AKT3: variants seen among roughly 807,000 people sequenced by gnomAD.
AKT3 encodes the protein RAC-gamma serine/threonine-protein kinase.
Under a neutral mutation model 65.3 loss-of-function variants are expected in AKT3, and 15 were observed. The ratio of observed to expected loss-of-function variants is 0.23; its 90% CI spans 0.15 to 0.35. The LOEUF is 0.35. AKT3 is among the 10% of genes least tolerant of loss of function. The probability of loss-of-function intolerance (pLI) is 1.00; values close to 1 mark genes in which losing one functional copy is unlikely to be tolerated. For synonymous variants in AKT3, 206 were observed against 183.8 expected, an observed-to-expected ratio of 1.12 and a Z score of -0.98; for missense variants, 243 against 576.5, an observed-to-expected ratio of 0.42 and a Z score of 5.92.
chr1:243,700,653 A>ACC (rs1329472299), intron 2 of AKT3, among the ~76,000 whole-genome samples: 4 of 151,872 alleles, frequency 2.6e-5, no homozygotes, highest in Non-Finnish European at 5.9e-5. Context: ...ACAGGTGCGC[A>ACC]CCACCACACC....
At chr1:243,495,459 A>G (rs902127637), downstream of AKT3, among the ~76,000 whole-genome samples, 1 of 152,158 alleles carries the variant, frequency 6.6e-6, no homozygotes, top group Non-Finnish European at 1.5e-5. Context: ...GGAGGCTGTT[A>G]TCAGGGGCCC....
intron 2 of AKT3, among the ~76,000 whole-genome samples, chr1:243,828,497 T>C (rs1694310279): frequency 6.6e-6 from 1 of 152,184 alleles, no homozygotes; most frequent in South Asian, 2.1e-4. Flanking sequence ...CTGGATTTGC[T>C]TCTTCTGCCT....
chr1:243,795,260 G>A (rs112198631), intron 2 of AKT3, among the ~76,000 whole-genome samples: 10 of 151,688 alleles, frequency 6.6e-5, no homozygotes, highest in Admixed American at 6.6e-4. Flanking sequence ...GGAAAACAGG[G>A]CTTAACGACT....
At chr1:243,565,312 A>G (rs1338626580) in intron 9 of AKT3, among the ~76,000 whole-genome samples, 1 of 152,170 alleles carries the variant, frequency 6.6e-6, no homozygotes, top group African/African-American at 2.4e-5. Context: ...GCTCACCACA[A>G]CCTCTGCCTC....
intron 11 of AKT3, among the ~76,000 whole-genome samples, chr1:243,546,128 T>C (rs1672657042): frequency 6.6e-6 from 1 of 152,152 alleles, no homozygotes; most frequent in Non-Finnish European, 1.5e-5. Context: ...TGAGATCTGA[T>C]GGTTTTATAA....
At chr1:243,777,432 T>C (rs1390976961) in intron 2 of AKT3, among the ~76,000 whole-genome samples, 1 of 152,154 alleles carries the variant, frequency 6.6e-6, no homozygotes, top group East Asian at 1.9e-4. Context: ...CCCTGCACTG[T>C]AAAACAGGTA....
At chr1:243,812,776 T>C (rs1693248167) in intron 2 of AKT3, among the ~76,000 whole-genome samples, 1 of 151,994 alleles carries the variant, frequency 6.6e-6, no homozygotes, top group African/African-American at 2.4e-5. Flanking sequence ...AACCCAAATG[T>C]CCAACAATGA....
intron 5 of AKT3, among the ~76,000 whole-genome samples, chr1:243,645,379 G>A (rs999258990): frequency 3.9e-5 from 6 of 152,088 alleles, no homozygotes; most frequent in Non-Finnish European, 7.4e-5. Flanking sequence ...CTGGAACACT[G>A]AGAGAAGGAA....
chr1:243,792,247 T>G (rs1284762639), intron 2 of AKT3, among the ~76,000 whole-genome samples: 10 of 152,264 alleles, frequency 6.6e-5, no homozygotes, highest in African/African-American at 2.2e-4. Context: ...ATAAACATTT[T>G]GAGCTTTTAC....
chr1:243,759,176 G>A (rs115881428), intron 2 of AKT3, among the ~76,000 whole-genome samples: 269 of 152,100 alleles, frequency 1.8e-3, no homozygotes, highest in Middle Eastern at 3.4e-3. Context: ...TTAGCTGGGC[G>A]TGGTGGTGTG....
chr1:243,520,376 T>C (rs1318901937), intron 12 of AKT3, among the ~76,000 whole-genome samples: 1 of 152,140 alleles, frequency 6.6e-6, no homozygotes, highest in African/African-American at 2.4e-5. Flanking sequence ...TATGAGAAAA[T>C]GAATTTCTGT....
intron 2 of AKT3, among the ~76,000 whole-genome samples, chr1:243,746,745 C>T (rs1400510185): frequency 1.3e-5 from 2 of 152,122 alleles, no homozygotes; most frequent in South Asian, 2.1e-4. Flanking sequence ...AGAGAGAGAA[C>T]GAATCTTTCC....
chr1:243,698,913 CAA>C (rs536512566), intron 2 of AKT3, among the ~76,000 whole-genome samples: 96 of 115,324 alleles, frequency 8.3e-4, no homozygotes, highest in Admixed American at 1.1e-3. Flanking sequence ...GAGGCTGGAC[CAA>C]AAAAAAAAAA....
intron 8 of AKT3, among the ~76,000 whole-genome samples, chr1:243,580,918 C>T (rs1675295131): frequency 6.6e-6 from 1 of 152,160 alleles, no homozygotes; most frequent in South Asian, 2.1e-4. Flanking sequence ...CCAGGAAGAT[C>T]CCTAGGCATT....
Position 243,503,417 on chromosome 1 carries a change from T to C in AKT3, c.*1832A>G, listed in dbSNP as rs1558571418. 4.3e-6 allele frequency: 1 copy of C among 233,532 alleles called. No individual in the cohort carries two copies. 14.5% of individuals were successfully genotyped at this position (233,532 alleles called of 1,614,324 possible). On this transcript the variant is annotated 3_prime_UTR_variant, in exon 14 of 14. Transcript: ENST00000673466. ...GCTCTTTCATACAATGCAATCATAA[T>C]ACTACGTCATGCTGTAGTCTTCCGT...
At chr1:243,721,181 G>A (rs1054571372) in intron 2 of AKT3, among the ~76,000 whole-genome samples, 1 of 152,052 alleles carries the variant, frequency 6.6e-6, no homozygotes, top group African/African-American at 2.4e-5. Flanking sequence ...TTTCTGTCTA[G>A]GAACTGGCCT....
chr1:243,710,514 T>C (rs1342336575), intron 2 of AKT3, among the ~76,000 whole-genome samples: 1 of 152,188 alleles, frequency 6.6e-6, no homozygotes, highest in Non-Finnish European at 1.5e-5. Flanking sequence ...TCTTAGTCAC[T>C]ATACCCCGTC....
chr1:243,638,074 T>A (rs1558672264), intron 5 of AKT3, among the ~76,000 whole-genome samples: 1 of 152,150 alleles, frequency 6.6e-6, no homozygotes, highest in Non-Finnish European at 1.5e-5. Flanking sequence ...GTAGTGCTGC[T>A]ACCCCCAGAA....
At chr1:243,632,364 G>A (rs1355171764) in intron 6 of AKT3, among the ~76,000 whole-genome samples, 1 of 152,134 alleles carries the variant, frequency 6.6e-6, no homozygotes, top group Admixed American at 6.5e-5. Flanking sequence ...CTGGTGCATT[G>A]TCAATGAGCA....
Sources: gnomAD v4.1 joint callset for allele counts (sites outside exome capture counted in the v4.1 genomes callset) on GRCh38, gnomAD v4.1.1 for gene constraint, MANE v1.5 for transcripts, NCBI Gene and HGNC (gene_info 2026-07-23, HGNC 2026-07-21) for gene names.